The following SAMMSON variants were observed in gnomAD, a reference collection of about 807,000 sequenced individuals.
SAMMSON encodes survival associated mitochondrial melanoma specific oncogenic non-coding RNA, also known as long intergenic non-protein coding RNA 1212.
intron 2 of SAMMSON, among the ~76,000 whole-genome samples, chr3:70,419,096 C>T (rs1489263003): frequency 6.6e-6 from 1 of 151,884 alleles, no homozygotes; most frequent in Non-Finnish European, 1.5e-5. Flanking sequence ...ATGATCTCTG[C>T]TCACTGCAAT....
chr3:70,309,934 C>T (rs921662655), intron 7 of SAMMSON, among the ~76,000 whole-genome samples: 10 of 152,034 alleles, frequency 6.6e-5, no homozygotes, highest in African/African-American at 1.9e-4. Context: ...CTTTAGGAAA[C>T]AATTGATTGG....
chr3:70,340,305 T>C (rs1325080703), intron 7 of SAMMSON, among the ~76,000 whole-genome samples: 3 of 150,956 alleles, frequency 2.0e-5, no homozygotes, highest in Admixed American at 1.3e-4. Context: ...GATGAGTTAA[T>C]GGGTGCAGCA....
chr3:70,284,027 G>T (rs1249991175), intron 6 of SAMMSON, among the ~76,000 whole-genome samples: 3 of 152,030 alleles, frequency 2.0e-5, no homozygotes, highest in African/African-American at 7.2e-5. Context: ...GGTGGCAGAG[G>T]TATTGGCTAT....
At chr3:70,171,043 G>A (rs1700938953) in intron 4 of SAMMSON, among the ~76,000 whole-genome samples, 1 of 151,676 alleles carries the variant, frequency 6.6e-6, no homozygotes, top group Non-Finnish European at 1.5e-5. Flanking sequence ...AAAAATCATC[G>A]GAGGGCAGAA....
In SAMMSON at chr3:70,095,554, A is replaced by G. The variant is rs186175767; in HGVS notation, n.507+23989A>G. ...TGTTATATATTTCACATTTGTTAGC[A>G]TGATTTTAGCATTATGTTTAAAAAG... On this transcript the variant is annotated intron_variant and non_coding_transcript_variant, in intron 4 of 9. Transcript: ENST00000642114. Among the ~76,000 whole-genome samples, 3 of 152,214 alleles carry G rather than the reference A, an allele frequency of 2.0e-5. No individual in the cohort carries two copies. In the East Asian group the frequency reaches 5.8e-4, roughly 29 times the overall value.
chr3:70,408,626 A>C (rs1414102697), intron 2 of SAMMSON, among the ~76,000 whole-genome samples: 1 of 152,068 alleles, frequency 6.6e-6, no homozygotes, highest in Non-Finnish European at 1.5e-5. Context: ...CCTGGACCTT[A>C]TTGTCCATAT....
chr3:70,398,762 G>A (rs1701113493), intron 2 of SAMMSON, among the ~76,000 whole-genome samples: 1 of 152,182 alleles, frequency 6.6e-6, no homozygotes, highest in Non-Finnish European at 1.5e-5. Context: ...GTAAATGCTC[G>A]ATGTTCTTCT....
At chr3:70,218,214 A>G (rs1701432862) in intron 4 of SAMMSON, among the ~76,000 whole-genome samples, 2 of 152,186 alleles carry the variant, frequency 1.3e-5, no homozygotes, top group South Asian at 4.1e-4. Flanking sequence ...CAATGGGGTT[A>G]AAACACTTAT....
intron 2 of SAMMSON, among the ~76,000 whole-genome samples, chr3:70,423,358 G>A (rs563475555): frequency 6.6e-6 from 1 of 152,180 alleles, no homozygotes; most frequent in African/African-American, 2.4e-5. Context: ...GCCTTTTCTT[G>A]GAGGAATAGA....
At chr3:70,168,728 G>T (rs1382691178) in intron 4 of SAMMSON, among the ~76,000 whole-genome samples, 1 of 151,926 alleles carries the variant, frequency 6.6e-6, no homozygotes, top group African/African-American at 2.4e-5. Context: ...GTTCTCAATA[G>T]ATAGCATCTT....
At chr3:70,251,866 T>A (rs1701772602) in intron 6 of SAMMSON, among the ~76,000 whole-genome samples, 1 of 152,146 alleles carries the variant, frequency 6.6e-6, no homozygotes, top group African/African-American at 2.4e-5. Context: ...AAGAAAGAAA[T>A]AAATGCTTGT....
intron 4 of SAMMSON, among the ~76,000 whole-genome samples, chr3:70,160,797 A>G (rs2067611771): frequency 6.6e-6 from 1 of 152,090 alleles, no homozygotes; most frequent in Non-Finnish European, 1.5e-5. Context: ...CATAATTACC[A>G]TCTTAATTCT....
chr3:70,080,482 G>T (rs2067263965), intron 4 of SAMMSON, among the ~76,000 whole-genome samples: 2 of 152,166 alleles, frequency 1.3e-5, no homozygotes, highest in Admixed American at 1.3e-4. Flanking sequence ...TACATGTATA[G>T]ATAGAAATGG....
intron 7 of SAMMSON, among the ~76,000 whole-genome samples, chr3:70,325,190 T>G (rs1702569570): frequency 6.6e-6 from 1 of 152,150 alleles, no homozygotes; most frequent in Admixed American, 6.5e-5. Flanking sequence ...TGTTGCATAG[T>G]AACTGGGAAA....
intron 4 of SAMMSON, among the ~76,000 whole-genome samples, chr3:70,185,840 G>A (rs1326597360): frequency 6.6e-6 from 1 of 151,008 alleles, no homozygotes; most frequent in Non-Finnish European, 1.5e-5. Context: ...AGCTGGGCAT[G>A]ATGGTGTGTA....
intron 3 of SAMMSON, among the ~76,000 whole-genome samples, chr3:70,051,671 A>G (rs1416339236): frequency 6.6e-6 from 1 of 151,808 alleles, no homozygotes; most frequent in Non-Finnish European, 1.5e-5. Context: ...TTTTTGTACA[A>G]TGTTATTTAG....
At chr3:70,152,738 C>T (rs144679003) in intron 4 of SAMMSON, among the ~76,000 whole-genome samples, 3 of 152,114 alleles carry the variant, frequency 2.0e-5, no homozygotes, top group African/African-American at 7.2e-5. Context: ...CACAAAAATA[C>T]CCTTAGGGGA....
intron 3 of SAMMSON, among the ~76,000 whole-genome samples, chr3:70,043,696 C>T (rs2067113943): frequency 6.6e-6 from 1 of 152,024 alleles, no homozygotes; most frequent in Non-Finnish European, 1.5e-5. Context: ...CTACATTATC[C>T]TGTTGGGAAC....
At chr3:70,342,740 G>T (rs1419522449) in intron 7 of SAMMSON, among the ~76,000 whole-genome samples, 1 of 152,114 alleles carries the variant, frequency 6.6e-6, no homozygotes, top group African/African-American at 2.4e-5. Context: ...AGTCAGTATT[G>T]CCTGAAGTCA....
Sources: gnomAD v4.1 joint callset for allele counts (sites outside exome capture counted in the v4.1 genomes callset) on GRCh38, gnomAD v4.1.1 for gene constraint, MANE v1.5 for transcripts, NCBI Gene and HGNC (gene_info 2026-07-23, HGNC 2026-07-21) for gene names.